The following SDK1 variants were observed in gnomAD, a reference collection of about 807,000 sequenced individuals.
The protein encoded by SDK1 is protein sidekick-1.
Under a neutral mutation model 245.5 loss-of-function variants are expected in SDK1, and 157 were observed. That is an observed-to-expected ratio of 0.64 (90% CI 0.56 to 0.73). The LOEUF (loss-of-function observed/expected upper bound fraction) is 0.73. Among genes scored for constraint, SDK1 ranks in the 30% least tolerant of loss-of-function variants. The pLI, the probability that SDK1 is intolerant of heterozygous loss-of-function variation, is 0.00. For synonymous variants in SDK1, 1,647 were observed against 1,278.5 expected, an observed-to-expected ratio of 1.29 and a Z score of -6.15; for missense variants, 3,583 against 3,002.3, an observed-to-expected ratio of 1.19 and a Z score of -4.52.
rs77432617 is a variant in SDK1, at chr7:3,810,208, A to C, written c.714-11242A>C. Among the ~76,000 whole-genome samples, 185 of 152,266 alleles carry C rather than the reference A, an allele frequency of 1.2e-3. 1 individual carries two copies. Among genetic ancestry groups the C allele is most frequent in the African/African-American group, 4.3e-3 (180 of 41,550 alleles). ...TTTAGTTGGTCCTCATCTACTTTTT[A>C]GACGCCTTTCTGTCCTCACTTTTCA... On this transcript the variant is annotated intron_variant, in intron 4 of 44. Transcript: ENST00000404826.
chr7:3,706,021 T>C (rs1326259040), intron 4 of SDK1, among the ~76,000 whole-genome samples: 1 of 152,196 alleles, frequency 6.6e-6, no homozygotes, highest in Non-Finnish European at 1.5e-5. Flanking sequence ...TCTATTGAAA[T>C]GATTATATGG....
chr7:3,418,145 G>GCAAAAAAAAAAAAAA lies in SDK1; in HGVS notation c.298+116261_298+116262insCAAAAAAAAAAAAAA, dbSNP rs1292199670. On this transcript the variant is annotated intron_variant, in intron 1 of 44. Coordinates refer to ENST00000404826, the MANE Select transcript of SDK1 (RefSeq NM_152744.4). ...GTGAAACCCGATCTCTACTAAAAAT[G>GCAAAAAAAAAAAAAA]AAAAAAAAAAAAAAAAAAAAAAATA... Among the ~76,000 whole-genome samples, 187 of 119,678 alleles carry GCAAAAAAAAAAAAAA rather than the reference G, an allele frequency of 1.6e-3. 24 individuals are homozygous for GCAAAAAAAAAAAAAA. Among genetic ancestry groups the GCAAAAAAAAAAAAAA allele is most frequent in the African/African-American group, 5.9e-3 (152 of 25,748 alleles). The allele number at this position is 119,678 out of a possible 152,430, so 78.5% of individuals were successfully genotyped here.
chr7:3,587,584 CG>C (rs1209912905), intron 1 of SDK1, among the ~76,000 whole-genome samples: 1 of 152,182 alleles, frequency 6.6e-6, no homozygotes, highest in Admixed American at 6.5e-5. Context: ...AACTTTCCTC[CG>C]CTTTTTCAGC....
chr7:3,600,636 G>T (rs186995175), intron 1 of SDK1, among the ~76,000 whole-genome samples: 1 of 143,138 alleles, frequency 7.0e-6, no homozygotes, highest in African/African-American at 2.6e-5. Context: ...CTTACTGCAA[G>T]CTCCCGGGTT....
intron 4 of SDK1, among the ~76,000 whole-genome samples, chr7:3,781,054 A>C (rs1025765591): frequency 1.9e-4 from 29 of 151,872 alleles, no homozygotes; most frequent in Admixed American, 7.9e-4. Context: ...CAGTCACTCA[A>C]CTCAGTCAAA....
At chr7:3,372,592 C>T (rs925738876) in intron 1 of SDK1, among the ~76,000 whole-genome samples, 15 of 152,114 alleles carry the variant, frequency 9.9e-5, no homozygotes, top group Middle Eastern at 3.4e-3. Context: ...GCTTTGAGAA[C>T]GTCACTGGGC....
chr7:3,313,832 G>A (rs1283312415), intron 1 of SDK1, among the ~76,000 whole-genome samples: 1 of 152,182 alleles, frequency 6.6e-6, no homozygotes, highest in Non-Finnish European at 1.5e-5. Flanking sequence ...AAAAAAGTAT[G>A]TGAAGTAATA....
Position 3,788,780 on chromosome 7 carries a change from T to C in SDK1, c.714-32670T>C, listed in dbSNP as rs28578945. Reference sequence around the variant, plus strand: ...TAAGTCATTTGTGTGGTGTGTCAAGTAGTGCTACCCAAAGGTCCCTCAAAA... The same window carrying C: ...TAAGTCATTTGTGTGGTGTGTCAAGCAGTGCTACCCAAAGGTCCCTCAAAA... On this transcript the variant is annotated intron_variant, in intron 4 of 44. Transcript: ENST00000404826. 5.6e-3 allele frequency among the ~76,000 whole-genome samples: 849 copies of C among 152,322 alleles called. 9 individuals carry two copies. The highest frequency in any genetic ancestry group is 0.02 in the African/African-American group (817 of 41,584).
chr7:4,237,466 G>A (rs1020795185), intron 41 of SDK1, among the ~76,000 whole-genome samples, 181 bp from the exon 42 acceptor site: 1 of 151,988 alleles, frequency 6.6e-6, no homozygotes, highest in Non-Finnish European at 1.5e-5. Flanking sequence ...TGAGGACCAT[G>A]GGAGCCTCCT....
intron 19 of SDK1, among the ~76,000 whole-genome samples, chr7:4,052,489 A>C (rs1043995545): frequency 2.6e-5 from 4 of 152,234 alleles, no homozygotes; most frequent in African/African-American, 9.6e-5. Flanking sequence ...TAGAATGACA[A>C]CATAAGAAAT....
chr7:3,947,530 T>TTG (rs745830597), intron 5 of SDK1, among the ~76,000 whole-genome samples: 8,348 of 140,346 alleles, frequency 0.059, 260 homozygotes, highest in Middle Eastern at 0.082. Flanking sequence ...AAGTATTTGC[T>TTG]TGTGTGTGTG....
intron 5 of SDK1, among the ~76,000 whole-genome samples, chr7:3,911,943 G>C (rs1779181252): frequency 6.6e-6 from 1 of 152,162 alleles, no homozygotes; most frequent in Admixed American, 6.5e-5. Flanking sequence ...CACCTGGAAG[G>C]ATGACTCAGA....
chr7:3,617,092 G>A (rs1781795344), intron 1 of SDK1, among the ~76,000 whole-genome samples: 1 of 152,140 alleles, frequency 6.6e-6, no homozygotes, highest in African/African-American at 2.4e-5. Flanking sequence ...TTCTTAAAAT[G>A]GGTATAATGA....
intron 5 of SDK1, among the ~76,000 whole-genome samples, chr7:3,842,050 C>T (rs1780171708): frequency 6.6e-6 from 1 of 152,210 alleles, no homozygotes; most frequent in Admixed American, 6.5e-5. Context: ...TTTTAACCAG[C>T]TGGCAGGAAA....
chr7:3,342,438 A>G (rs1281793913), intron 1 of SDK1, among the ~76,000 whole-genome samples: 2 of 151,754 alleles, frequency 1.3e-5, no homozygotes, highest in East Asian at 3.9e-4. Context: ...AAAATACAAA[A>G]TCAGCCAGGT....
At chr7:3,987,155 T>C in intron 13 of SDK1, 31 bp from the exon 14 acceptor site, 2 of 1,612,906 alleles carry the variant, frequency 1.2e-6, no homozygotes, top group Non-Finnish European at 1.7e-6. Context: ...TGTGTTTTCC[T>C]CTTTTTCCTT....
intron 4 of SDK1, among the ~76,000 whole-genome samples, chr7:3,720,537 C>A (rs527846241): frequency 6.6e-6 from 1 of 152,194 alleles, no homozygotes. Context: ...GATATCACTA[C>A]AAACCCATCA....
intron 36 of SDK1, 50 bp from the exon 37 acceptor site, chr7:4,208,049 A>G (rs1463653541): frequency 3.5e-6 from 5 of 1,429,972 alleles, no homozygotes; most frequent in Non-Finnish European, 2.9e-6. Flanking sequence ...GCCCCCGCTT[A>G]CTGGAAGGCT....
At chr7:3,822,956 C>G (rs150213177) in intron 5 of SDK1, among the ~76,000 whole-genome samples, 83 of 151,992 alleles carry the variant, frequency 5.5e-4, no homozygotes, top group African/African-American at 1.8e-3. Context: ...CTAATTGGTC[C>G]CAAGTGGCCG....
Sources: allele counts gnomAD v4.1 joint callset (sites outside exome capture counted in the v4.1 genomes callset), GRCh38; gene constraint gnomAD v4.1.1; transcripts MANE v1.5; gene names NCBI Gene and HGNC (gene_info 2026-07-23, HGNC 2026-07-21).